Variants in LTBP1 observed in about 807,000 individuals in gnomAD.
LTBP1 encodes latent-transforming growth factor beta-binding protein 1.
LTBP1 carries 129 observed loss-of-function variants against 207.6 expected under a neutral mutation model. That is an observed-to-expected ratio of 0.62 (90% CI 0.54 to 0.72). The LOEUF (loss-of-function observed/expected upper bound fraction) is 0.72, where lower values mean the gene tolerates loss of function less well. Among genes scored for constraint, LTBP1 ranks in the 30% least tolerant of loss-of-function variants. LTBP1 has a pLI of 0.00. For missense variants in LTBP1, 2,281 were observed against 2,217.2 expected (o/e 1.03, Z -0.58); for synonymous variants, 963 against 833.7 (o/e 1.16, Z -2.67).
intron 9 of LTBP1, among the ~76,000 whole-genome samples, chr2:33,234,907 GA>G (rs1330370660): frequency 2.0e-5 from 3 of 152,082 alleles, no homozygotes; most frequent in African/African-American, 4.8e-5. Context: ...ACTCAAGATG[GA>G]TGAAAGACTT....
At chr2:33,235,648 C>G (rs1434727905) in intron 9 of LTBP1, among the ~76,000 whole-genome samples, 2 of 152,150 alleles carry the variant, frequency 1.3e-5, no homozygotes, top group African/African-American at 4.8e-5. Flanking sequence ...GACTTGGAAC[C>G]AACCCAAATG....
At chr2:32,972,772 C>G (rs1431966887) in intron 2 of LTBP1, among the ~76,000 whole-genome samples, 1 of 152,156 alleles carries the variant, frequency 6.6e-6, no homozygotes, top group Non-Finnish European at 1.5e-5. Context: ...ACTTTCTCTC[C>G]TGCTGCCATG....
At chr2:33,092,189 A>ACG (rs1558625956) in intron 3 of LTBP1, among the ~76,000 whole-genome samples, 4 of 144,310 alleles carry the variant, frequency 2.8e-5, no homozygotes, top group Admixed American at 6.8e-5. Context: ...GCACACACAC[A>ACG]CACACGCGCA....
intron 7 of LTBP1, among the ~76,000 whole-genome samples, chr2:33,206,581 A>G (rs547617655): frequency 2.2e-4 from 34 of 152,126 alleles, no homozygotes; most frequent in African/African-American, 7.5e-4. Context: ...TCTACTAAAA[A>G]TACAAAAAAC....
At chr2:33,216,351 G>T (rs2090702637) in intron 7 of LTBP1, among the ~76,000 whole-genome samples, 1 of 152,108 alleles carries the variant, frequency 6.6e-6, no homozygotes, top group Admixed American at 6.5e-5. Flanking sequence ...AAAGGGGAGG[G>T]TGTTCCAGCC....
At chr2:33,306,608 T>C (rs778349886) in intron 22 of LTBP1, among the ~76,000 whole-genome samples, 2 of 152,006 alleles carry the variant, frequency 1.3e-5, no homozygotes, top group Non-Finnish European at 2.9e-5. Flanking sequence ...CAGAGCAACA[T>C]GCTTCCATTA....
chr2:33,318,673 C>T (rs2094308600), intron 24 of LTBP1, among the ~76,000 whole-genome samples: 1 of 152,128 alleles, frequency 6.6e-6, no homozygotes, highest in Non-Finnish European at 1.5e-5. Context: ...CCTTTCCTCT[C>T]TCAGTTATAG....
intron 2 of LTBP1, among the ~76,000 whole-genome samples, chr2:32,959,110 G>A (rs1678575156): frequency 6.6e-6 from 1 of 152,176 alleles, no homozygotes; most frequent in Non-Finnish European, 1.5e-5. Context: ...GTTTGAAAAT[G>A]TTGTGTTTTG....
At chr2:33,078,451 G>T (rs2078202246) in intron 3 of LTBP1, among the ~76,000 whole-genome samples, 1 of 152,172 alleles carries the variant, frequency 6.6e-6, no homozygotes, top group South Asian at 2.1e-4. Context: ...CTAATAATGT[G>T]ACCAGAACCA....
intron 31 of LTBP1, among the ~76,000 whole-genome samples, chr2:33,372,957 G>C (rs1477449877): frequency 1.3e-5 from 2 of 152,202 alleles, no homozygotes; most frequent in Non-Finnish European, 2.9e-5. Flanking sequence ...AAAATCCGTT[G>C]ATCTGCAAAT....
chr2:33,218,363 T>C (rs1341927311), intron 8 of LTBP1, among the ~76,000 whole-genome samples: 3 of 152,238 alleles, frequency 2.0e-5, no homozygotes, highest in Non-Finnish European at 2.9e-5. Context: ...TTTTTCAATG[T>C]AGTATTAACT....
chr2:33,296,942 G>A (rs914621432), intron 20 of LTBP1, among the ~76,000 whole-genome samples: 5 of 152,148 alleles, frequency 3.3e-5, no homozygotes, highest in Admixed American at 3.3e-4. Flanking sequence ...ATGAGTTAAA[G>A]CAGGGGCAGA....
intron 25 of LTBP1, 46 bp downstream of exon 25, chr2:33,343,009 G>A (rs1483657718): frequency 1.3e-6 from 2 of 1,579,796 alleles, no homozygotes; most frequent in Admixed American, 3.6e-5. Context: ...TGTCCCTAGG[G>A]AAAAGAAATC....
chr2:33,335,930 T>A (rs1281055249), intron 24 of LTBP1, among the ~76,000 whole-genome samples: 1 of 152,240 alleles, frequency 6.6e-6, no homozygotes. Context: ...ATTTTCTTCT[T>A]ATGAAGAGTT....
At chr2:33,101,670 T>A (rs1425032573) in intron 3 of LTBP1, among the ~76,000 whole-genome samples, 1 of 151,656 alleles carries the variant, frequency 6.6e-6, no homozygotes, top group Non-Finnish European at 1.5e-5. Flanking sequence ...ACATTTTGAA[T>A]TTTTTTTTGG....
chr2:33,324,697 A>C (rs1055112763), intron 24 of LTBP1, among the ~76,000 whole-genome samples: 6 of 136,172 alleles, frequency 4.4e-5, no homozygotes, highest in African/African-American at 1.5e-4. Context: ...ACTGTATTCT[A>C]TCTTTTTTTT....
At chr2:33,201,444 C>G (rs1163255767) in intron 7 of LTBP1, among the ~76,000 whole-genome samples, 1 of 128,600 alleles carries the variant, frequency 7.8e-6, no homozygotes, top group African/African-American at 3.0e-5. Context: ...CACATGGACA[C>G]AGGAAGGGGA....
At chr2:33,293,601 T>C (rs1177511568) in intron 20 of LTBP1, among the ~76,000 whole-genome samples, 1 of 152,168 alleles carries the variant, frequency 6.6e-6, no homozygotes, top group Non-Finnish European at 1.5e-5. Context: ...AACCATTGAA[T>C]TGTACATTTT....
intron 9 of LTBP1, among the ~76,000 whole-genome samples, chr2:33,240,032 A>G (rs2092245713): frequency 6.6e-6 from 1 of 152,216 alleles, no homozygotes; most frequent in Non-Finnish European, 1.5e-5. Flanking sequence ...ATCAGGTTTT[A>G]TTTGATTAAA....
Sources: gnomAD v4.1 joint callset for allele counts (sites outside exome capture counted in the v4.1 genomes callset) on GRCh38, gnomAD v4.1.1 for gene constraint, MANE v1.5 for transcripts, NCBI Gene and HGNC (gene_info 2026-07-23, HGNC 2026-07-21) for gene names.